PPM1M: variants seen among roughly 807,000 people sequenced by gnomAD.
The protein encoded by PPM1M is protein phosphatase 1M.
In PPM1M, 44 loss-of-function variants were observed where a neutral mutation model predicts 50.8. The observed-to-expected ratio is 0.87, with a 90% CI of 0.68 to 1.11. PPM1M has a LOEUF of 1.11. Ranked by LOEUF, PPM1M falls within the 50% of genes most tolerant of loss-of-function variation. The probability of loss-of-function intolerance (pLI) is 0.00; values close to 1 mark genes in which losing one functional copy is unlikely to be tolerated. For synonymous variants in PPM1M, 224 were observed against 242.9 expected (o/e 0.92, Z 0.72); for missense variants, 556 against 593.4 (o/e 0.94, Z 0.66).
chr3:52,249,459 G>A (rs569453628), intron 9 of PPM1M, 137 bp downstream of exon 9: 2 of 1,294,868 alleles, frequency 1.5e-6, no homozygotes, highest in East Asian at 2.5e-5. Context: ...GCTTCTTGGA[G>A]GAGGCAGGGA....
At position 52,247,199 on chromosome 3, in the gene PPM1M, G is replaced by A. The variant is rs1266478791; in HGVS notation, c.568G>A (p.Gly190Arg). Residue 190 changes from glycine (G) to arginine (R), a missense_variant, in exon 3 of 10, where the codon GGG becomes AGG. Gly to Arg is a moderately radical substitution (Grantham distance 125, BLOSUM62 -2). Coordinates refer to ENST00000323588, the MANE Select transcript of PPM1M (RefSeq NM_144641.4). ...CATCAGGGCAGAAGACTTGGTGATC[G>A]GGGCATTGGAGAGTGCCTTTCAGGA... ...KGIRAEDLVI[G>R]ALESAFQECD... 4.3e-6 allele frequency: 7 copies of A among 1,613,292 alleles called. No individual in the cohort carries two copies. The highest frequency in any genetic ancestry group is 2.2e-5 in the South Asian group (2 of 90,836).
rs761966252 is a variant in PPM1M, at chr3:52,248,951, C to T, written c.979-5C>T. 6.3e-7 allele frequency: 1 copy of T among 1,599,334 alleles called. No individual in the cohort carries two copies. The highest frequency in any genetic ancestry group is 1.1e-5 in the South Asian group (1 of 89,024). ...GCCATCGCCTCACACCTCACTTTCC[C>T]TCAGGCTCGGTTACTAGGAACACTG... is the stretch of plus-strand genomic sequence containing the variant. On this transcript the variant is annotated splice_polypyrimidine_tract_variant and splice_region_variant and intron_variant, in intron 7 of 9. Coordinates refer to ENST00000323588, the MANE Select transcript of PPM1M (RefSeq NM_144641.4).
At chr3:52,247,933 C>A in intron 4 of PPM1M, 139 bp downstream of exon 4, 1 of 740,864 alleles carries the variant, frequency 1.3e-6, no homozygotes, top group Admixed American at 2.2e-5. Context: ...TGTTATGTGT[C>A]GAGTGTGGAC....
chr3:52,248,124 T>G (rs1305976262), intron 4 of PPM1M, 29 bp from the exon 5 acceptor site: 2 of 1,580,120 alleles, frequency 1.3e-6, no homozygotes, highest in East Asian at 2.3e-5. Context: ...GGCCTCCTCC[T>G]AGACCTCTCC....
At chr3:52,248,888 G>T in intron 7 of PPM1M, 68 bp from the exon 8 acceptor site, 1 of 1,334,196 alleles carries the variant, frequency 7.5e-7, no homozygotes, top group Non-Finnish European at 1.1e-6. Context: ...GCTCTGCAGT[G>T]CTAGGGCCTG....
rs779584954 is a variant in PPM1M at position 52,247,789 on chromosome 3, T to C, written c.705T>C (p.Asp235=). 6.3e-7 allele frequency: 1 copy of C among 1,577,944 alleles called. No individual in the cohort carries two copies. Among genetic ancestry groups the C allele is most frequent in the Non-Finnish European group, 8.7e-7 (1 of 1,153,980 alleles). ...QGKLYMANAG[D]SRAILVRRDE... is the part of the protein sequence containing the mutation. Reference sequence around the variant, plus strand: ...AGCTGTACATGGCCAATGCTGGGGATAGCAGGTGAGTCACCCCTTGGAGGG... The same window carrying C: ...AGCTGTACATGGCCAATGCTGGGGACAGCAGGTGAGTCACCCCTTGGAGGG... The change falls in exon 4 of 10, where the codon GAT becomes GAC. Residue 235 remains aspartate (D), a synonymous_variant. Coordinates refer to ENST00000323588, the MANE Select transcript of PPM1M (RefSeq NM_144641.4).
At chr3:52,247,924 G>A (rs1699889264) in intron 4 of PPM1M, 130 bp downstream of exon 4, 1 of 754,620 alleles carries the variant, frequency 1.3e-6, no homozygotes, top group Non-Finnish European at 2.2e-6. Flanking sequence ...GTGTGTACTT[G>A]TTATGTGTCG....
At chr3:52,246,332 G>C in intron 1 of PPM1M, 1 of 1,037,506 alleles carries the variant, frequency 9.6e-7, no homozygotes, top group Non-Finnish European at 1.2e-6. Flanking sequence ...TCCAGCATTC[G>C]GGGCTTTGGA....
At chr3:52,246,860 G>A in intron 2 of PPM1M, 48 bp downstream of exon 2, 1 of 1,483,832 alleles carries the variant, frequency 6.7e-7, no homozygotes, top group Non-Finnish European at 9.1e-7. Context: ...ACAGGCTGGG[G>A]CCACGACCTG....
At chr3:52,248,773 C>T (rs1699909469) in intron 7 of PPM1M, 73 bp downstream of exon 7, 9 of 1,493,312 alleles carry the variant, frequency 6.0e-6, no homozygotes, top group Non-Finnish European at 8.4e-6. Flanking sequence ...GCTCCTTTGC[C>T]TCTTGCTGGT....
intron 3 of PPM1M, 100 bp downstream of exon 3, chr3:52,247,328 T>G: frequency 6.8e-7 from 1 of 1,464,096 alleles, no homozygotes; most frequent in Non-Finnish European, 9.2e-7. Context: ...CACCAGATCC[T>G]TGGATTGGGA....
At chr3:52,249,544 C>A in intron 9 of PPM1M, 126 bp from the exon 10 acceptor site, 1 of 1,425,018 alleles carries the variant, frequency 7.0e-7, no homozygotes, top group Non-Finnish European at 9.6e-7. Context: ...TTGCTGCTTG[C>A]TTGGTCCACA....
In PPM1M at chr3:52,245,767, C is replaced by G. The variant is rs1275697924; in HGVS notation, c.-58C>G. ...CCGCCCGCGGCCCGCTTCTTCCTCC[C>G]GCGGGCGGCCCAGCCCTAGCGCCCC... On this transcript the variant is annotated 5_prime_UTR_variant, in exon 1 of 10. Transcript: ENST00000323588. This position sits in a 1 kb window ranked among gnomAD's most constrained non-coding sequence, Gnocchi z 4.8. 3.4e-6 allele frequency: 3 copies of G among 873,912 alleles called. No individual in the cohort carries two copies. The highest frequency in any genetic ancestry group is 1.0e-4 in the South Asian group (2 of 19,154). 54.1% of individuals were successfully genotyped at this position (873,912 alleles called of 1,614,324 possible).
In PPM1M at chr3:52,248,375, G is replaced by T; in HGVS notation, c.836G>T (p.Arg279Leu). 2 of 1,613,614 alleles carry T rather than the reference G, an allele frequency of 1.2e-6. No individual in the cohort carries two copies. The highest frequency in any genetic ancestry group is 1.7e-6 in the Non-Finnish European group (2 of 1,179,716). ...GAGCTTCTGGCTGGTGAGTTCACCCGACTGGAGTTCCCTCGGCGGCTGAAG... is the reference window on the plus strand; with the variant it reads ...GAGCTTCTGGCTGGTGAGTTCACCCTACTGGAGTTCCCTCGGCGGCTGAAG... ...YPELLAGEFT[R>L]LEFPRRLKGD... Residue 279 changes from arginine to leucine, a missense_variant, in exon 6 of 10, where the codon CGA becomes CTA. Coordinates refer to ENST00000323588, the MANE Select transcript of PPM1M (RefSeq NM_144641.4).
At position 52,249,231 on chromosome 3, in the gene PPM1M, G is replaced by C; in HGVS notation, c.1144G>C (p.Ala382Pro). The C allele has an allele frequency of 4.3e-6, 7 of 1,613,948 alleles. No homozygotes were observed. Among genetic ancestry groups the C allele is most frequent in the Non-Finnish European group, 5.9e-6 (7 of 1,179,868 alleles). ...ACAGGAGGATGATGTGGTTGTCATG[G>C]CAACTGATGGACTCTGGGATGTACT... Reference protein sequence around the residue: ...ELQEDDVVVMATDGLWDVLSN... With the variant: ...ELQEDDVVVMPTDGLWDVLSN... The change falls in exon 9 of 10, where the codon GCA (alanine) becomes CCA (proline). Residue 382 changes from alanine to proline, a missense_variant. Transcript: ENST00000323588.
Position 52,248,351 on chromosome 3 carries a change from A to G in PPM1M, c.812A>G (p.Glu271Gly). The change falls in exon 6 of 10, where the codon GAG becomes GGG. Residue 271 changes from glutamate to glycine, a missense_variant. By Grantham distance (98) the Glu-to-Gly change is moderately conservative. Coordinates refer to ENST00000323588, the MANE Select transcript of PPM1M (RefSeq NM_144641.4). ...CCACCCCAGGCCTTTGTCTATCCTG[A>G]GCTTCTGGCTGGTGAGTTCACCCGA... ...RIQQLAFVYP[E>G]LLAGEFTRLE... 5 of 1,612,886 alleles carry G rather than the reference A, an allele frequency of 3.1e-6. No homozygotes were observed. The South Asian group carries it at 5.5e-5, about 18-fold the overall frequency.
chr3:52,248,920 C>T (rs770435952), intron 7 of PPM1M, 36 bp from the exon 8 acceptor site: 1 of 1,500,442 alleles, frequency 6.7e-7, no homozygotes, highest in South Asian at 1.2e-5. Flanking sequence ...TTTGCTGGAG[C>T]TGTTTGCCAT....
chr3:52,246,334 G>T, intron 1 of PPM1M: 3 of 1,040,478 alleles, frequency 2.9e-6, no homozygotes, highest in Non-Finnish European at 3.5e-6. Context: ...CAGCATTCGG[G>T]GCTTTGGAGA....
At position 52,249,183 on chromosome 3, in the gene PPM1M, C is replaced by A; in HGVS notation, c.1096C>A (p.Leu366Met). Residue 366 changes from leucine (L) to methionine (M), a missense_variant, in exon 9 of 10, where the codon CTG (leucine) becomes ATG (methionine). By Grantham distance (15) the Leu-to-Met change is conservative. Transcript: ENST00000323588. ...CAGGCTTAATTTGTAGGTGACTGTG[C>A]TGGATGTGGACCAGCTGGAGCTACA... ...FLLSVPQVTV[L>M]DVDQLELQED... 6.2e-7 allele frequency: 1 copy of A among 1,613,748 alleles called. No individual in the cohort carries two copies. Among genetic ancestry groups the A allele is most frequent in the African/African-American group, 1.3e-5 (1 of 74,996 alleles).
Sources: allele counts gnomAD v4.1 joint callset, GRCh38; gene constraint gnomAD v4.1.1; non-coding constraint Gnocchi (gnomAD v3.1); transcripts MANE v1.5; gene names NCBI Gene and HGNC (gene_info 2026-07-23, HGNC 2026-07-21).